Variants in AGBL4 observed in about 807,000 individuals in gnomAD.
AGBL4 encodes the protein cytosolic carboxypeptidase 6.
In AGBL4, 58 loss-of-function variants were observed where a neutral mutation model predicts 66.4. The observed-to-expected ratio is 0.87, with a 90% CI of 0.71 to 1.09. The LOEUF is 1.09. Among genes scored for constraint, AGBL4 ranks in the 50% least tolerant of loss-of-function variants. The pLI is 0.00. For missense variants in AGBL4, 579 were observed against 631.0 expected, an observed-to-expected ratio of 0.92 and a Z score of 0.88; for synonymous variants, 234 against 222.9, an observed-to-expected ratio of 1.05 and a Z score of -0.44.
intron 5 of AGBL4, among the ~76,000 whole-genome samples, chr1:49,042,256 A>G (rs1157832849): frequency 6.6e-6 from 1 of 152,050 alleles, no homozygotes; most frequent in African/African-American, 2.4e-5. Context: ...TAATTTGAAA[A>G]CTTTTATTCA....
chr1:48,681,681 G>T (rs1208947907), intron 6 of AGBL4, among the ~76,000 whole-genome samples: 1 of 152,218 alleles, frequency 6.6e-6, no homozygotes, highest in African/African-American at 2.4e-5. Flanking sequence ...GCTCCTGCCA[G>T]GTCTCTTAAC....
intron 1 of AGBL4, among the ~76,000 whole-genome samples, chr1:49,917,297 G>A (rs886305036): frequency 6.6e-6 from 1 of 151,386 alleles, no homozygotes; most frequent in African/African-American, 2.4e-5. Context: ...TGGCAAATTG[G>A]ATAAACACTC....
chr1:49,711,102 G>T (rs943102701), intron 2 of AGBL4, among the ~76,000 whole-genome samples: 1 of 152,010 alleles, frequency 6.6e-6, no homozygotes, highest in Non-Finnish European at 1.5e-5. Context: ...CCCACCAAGC[G>T]ATAACAAGGA....
intron 1 of AGBL4, among the ~76,000 whole-genome samples, chr1:49,875,318 C>A (rs1309153969): frequency 4.4e-5 from 5 of 112,422 alleles, no homozygotes; most frequent in Non-Finnish European, 8.9e-5. Context: ...CCCCCCTCCA[C>A]ACCACAGTCC....
At chr1:49,455,043 C>T (rs955753652) in intron 3 of AGBL4, among the ~76,000 whole-genome samples, 8 of 151,736 alleles carry the variant, frequency 5.3e-5, no homozygotes, top group Admixed American at 6.6e-5. Flanking sequence ...GGTTAAGTAA[C>T]TTTTCCTAGA....
chr1:49,823,469 C>A (rs990536977), intron 2 of AGBL4, among the ~76,000 whole-genome samples: 4 of 152,028 alleles, frequency 2.6e-5, no homozygotes, highest in Non-Finnish European at 4.4e-5. Flanking sequence ...ATAATTAGAT[C>A]AGATAATAAT....
chr1:49,323,852 T>C (rs1645176949), intron 3 of AGBL4, among the ~76,000 whole-genome samples: 1 of 152,076 alleles, frequency 6.6e-6, no homozygotes, highest in Non-Finnish European at 1.5e-5. Flanking sequence ...GAGGAAGCCA[T>C]CTCTGATTCC....
intron 5 of AGBL4, among the ~76,000 whole-genome samples, chr1:48,909,841 A>G (rs1652935488): frequency 6.6e-6 from 1 of 152,206 alleles, no homozygotes; most frequent in Non-Finnish European, 1.5e-5. Flanking sequence ...ACTCCAGTGA[A>G]TGCCTTGAAA....
intron 4 of AGBL4, among the ~76,000 whole-genome samples, chr1:49,065,009 A>C (rs910089964): frequency 2.0e-5 from 3 of 152,202 alleles, no homozygotes; most frequent in Non-Finnish European, 4.4e-5. Context: ...CAGGAAGAAA[A>C]AAATTTCAGG....
At chr1:49,494,810 A>C (rs1225992372) in intron 3 of AGBL4, among the ~76,000 whole-genome samples, 6 of 151,968 alleles carry the variant, frequency 3.9e-5, no homozygotes, top group African/African-American at 1.4e-4. Context: ...TGGCTGGGTC[A>C]AATGGTATTT....
intron 5 of AGBL4, among the ~76,000 whole-genome samples, chr1:48,953,366 T>C (rs1437829752): frequency 6.6e-6 from 1 of 152,208 alleles, no homozygotes; most frequent in Non-Finnish European, 1.5e-5. Flanking sequence ...CTAATGATGT[T>C]GCAGGGCCAG....
At chr1:49,879,213 C>T (rs1034805134) in intron 1 of AGBL4, among the ~76,000 whole-genome samples, 2 of 141,322 alleles carry the variant, frequency 1.4e-5, no homozygotes, top group Non-Finnish European at 3.1e-5. Flanking sequence ...ATGATGTTAG[C>T]TGGTGATTTT....
In AGBL4 at chr1:49,697,417, G is replaced by A; in HGVS notation, c.178C>T (p.Gln60Ter). Residue 60 changes from glutamine to a stop codon, truncating the protein, a stop_gained, in exon 3 of 14, where the codon CAG (glutamine) becomes TAG (stop). Coordinates refer to ENST00000371839, the MANE Select transcript of AGBL4 (RefSeq NM_032785.4). LOFTEE classifies it high-confidence loss of function. ...AGATCATACTCAAACTCAGAGACCT[G>A]GTCCACCCGGCCCAGGTTACCTGGT... ...FESGNLGRVD[Q>*]VSEFEYDLFI... 1 of 1,525,406 alleles carries A rather than the reference G, an allele frequency of 6.6e-7. No homozygotes were observed. Among genetic ancestry groups the A allele is most frequent in the Non-Finnish European group, 8.9e-7 (1 of 1,126,990 alleles). 94.5% of individuals were successfully genotyped at this position (1,525,406 alleles called of 1,614,324 possible).
chr1:49,675,586 T>C (rs1646563220), intron 3 of AGBL4, among the ~76,000 whole-genome samples: 1 of 152,098 alleles, frequency 6.6e-6, no homozygotes, highest in African/African-American at 2.4e-5. Flanking sequence ...ATCATGCTAA[T>C]GATTCAGAAA....
chr1:49,814,974 G>T (rs1645196778), intron 2 of AGBL4, among the ~76,000 whole-genome samples: 1 of 152,124 alleles, frequency 6.6e-6, no homozygotes, highest in African/African-American at 2.4e-5. Flanking sequence ...TCACATCACA[G>T]AAAATGGGGT....
intron 3 of AGBL4, among the ~76,000 whole-genome samples, chr1:49,507,904 A>C (rs1648845714): frequency 6.6e-6 from 1 of 151,872 alleles, no homozygotes; most frequent in Non-Finnish European, 1.5e-5. Context: ...CTCTTAAGGA[A>C]GACATTTTTC....
intron 4 of AGBL4, among the ~76,000 whole-genome samples, chr1:49,158,304 G>A (rs558457365): frequency 3.3e-5 from 5 of 152,048 alleles, no homozygotes; most frequent in South Asian, 2.1e-4. Context: ...AAAAGCAATG[G>A]CAACAAAAGC....
At chr1:49,134,973 T>C (rs1043064329) in intron 4 of AGBL4, among the ~76,000 whole-genome samples, 2 of 151,984 alleles carry the variant, frequency 1.3e-5, no homozygotes, top group African/African-American at 4.8e-5. Context: ...TGTGCATACA[T>C]ATATACATAT....
intron 4 of AGBL4, among the ~76,000 whole-genome samples, chr1:49,058,159 T>C (rs1236008680): frequency 1.3e-5 from 2 of 152,246 alleles, no homozygotes; most frequent in Non-Finnish European, 2.9e-5. Flanking sequence ...CTGCAAAATG[T>C]AGTATCCTGA....
Sources: gnomAD v4.1 joint callset for allele counts (sites outside exome capture counted in the v4.1 genomes callset) on GRCh38, gnomAD v4.1.1 for gene constraint, MANE v1.5 for transcripts, NCBI Gene and HGNC (gene_info 2026-07-23, HGNC 2026-07-21) for gene names.